NCK2: variants seen among roughly 807,000 people sequenced by gnomAD.
The protein encoded by NCK2 is NCK adaptor protein 2, also known as cytoplasmic protein NCK2.
A neutral mutation model predicts 33.9 loss-of-function variants in NCK2; 16 were observed. That is an observed-to-expected ratio of 0.47 (90% CI 0.32 to 0.72). The LOEUF (loss-of-function observed/expected upper bound fraction) is 0.72, where lower values mean the gene tolerates loss of function less well. Ranked by LOEUF, NCK2 falls within the 30% of genes least tolerant of loss-of-function variation. NCK2 has a pLI of 0.03. For synonymous variants in NCK2, 273 were observed against 239.9 expected (o/e 1.14, Z -1.27); for missense variants, 418 against 537.3 (o/e 0.78, Z 2.19).
chr2:105,801,861 C>A (rs1165595953), intron 1 of NCK2, among the ~76,000 whole-genome samples: 3 of 152,062 alleles, frequency 2.0e-5, no homozygotes, highest in African/African-American at 4.8e-5. Context: ...TAGAGTTAGT[C>A]GTCTTGCTGA....
At chr2:105,838,116 A>G (rs1357784212) in intron 2 of NCK2, among the ~76,000 whole-genome samples, 1 of 146,528 alleles carries the variant, frequency 6.8e-6, no homozygotes, top group Non-Finnish European at 1.5e-5. Context: ...TTTTTTTTGT[A>G]CCAGCAATAG....
In NCK2 at chr2:105,823,309, A is replaced by G. The variant is rs1277166295; in HGVS notation, c.-17+6696A>G. ...AACTGAAGGGAACACGTGGAACTGC[A>G]GAAGTGTCATTCAAGTTGGGCGTGT... is the stretch of plus-strand genomic sequence containing the variant. On this transcript the variant is annotated intron_variant, in intron 2 of 4. Coordinates refer to ENST00000233154, the MANE Select transcript of NCK2 (RefSeq NM_003581.5). Among the ~76,000 whole-genome samples, 4 of 152,004 alleles carry G rather than the reference A, an allele frequency of 2.6e-5. No individual in the cohort carries two copies. In the East Asian group the frequency reaches 5.8e-4, roughly 22 times the overall value.
intron 2 of NCK2, among the ~76,000 whole-genome samples, chr2:105,817,692 T>C (rs1675549106): frequency 6.6e-6 from 1 of 152,160 alleles, no homozygotes; most frequent in Non-Finnish European, 1.5e-5. Context: ...TCATCATCAC[T>C]GGCCATCAGA....
chr2:105,782,226 G>A (rs1373934447), intron 1 of NCK2, among the ~76,000 whole-genome samples: 2 of 152,310 alleles, frequency 1.3e-5, no homozygotes, highest in East Asian at 1.9e-4. Context: ...GTAGGCAGGC[G>A]GGGTGGCCGG....
At chr2:105,852,232 A>G (rs558128501) in intron 2 of NCK2, among the ~76,000 whole-genome samples, 107 of 152,262 alleles carry the variant, frequency 7.0e-4, no homozygotes, top group African/African-American at 2.5e-3. Context: ...TGTTTTCCCA[A>G]GATTAAACGC....
intron 2 of NCK2, among the ~76,000 whole-genome samples, chr2:105,844,667 G>A (rs1432144467): frequency 1.3e-5 from 2 of 150,086 alleles, no homozygotes; most frequent in East Asian, 1.9e-4. Flanking sequence ...CCCAGGAGGA[G>A]GAGGTTGCAG....
intron 2 of NCK2, among the ~76,000 whole-genome samples, chr2:105,825,051 C>T (rs186808937): frequency 2.0e-5 from 3 of 152,178 alleles, no homozygotes; most frequent in Non-Finnish European, 4.4e-5. Flanking sequence ...AGTGGGCACT[C>T]GAGGTGCTTG....
intron 2 of NCK2, among the ~76,000 whole-genome samples, chr2:105,834,694 G>T (rs1676323021): frequency 6.6e-6 from 1 of 151,620 alleles, no homozygotes; most frequent in East Asian, 1.9e-4. Flanking sequence ...TAGAGACAAG[G>T]TCTCGTTCTC....
chr2:105,774,073 A>G (rs1259492116), intron 1 of NCK2, among the ~76,000 whole-genome samples: 1 of 150,690 alleles, frequency 6.6e-6, no homozygotes, highest in Admixed American at 6.6e-5. Flanking sequence ...CAGTGGCACA[A>G]TCTTGGCTCA....
At position 105,894,032 on chromosome 2, in the gene NCK2, ATAT is replaced by A. The variant is rs1679112725; in HGVS notation, c.*861_*863del. 2.0e-5 allele frequency: 3 copies of A among 152,326 alleles called. No individual in the cohort carries two copies. The highest frequency in any genetic ancestry group is 2.9e-5 in the Non-Finnish European group (2 of 67,988). The allele number at this position is 152,326 out of a possible 1,614,324, so 9.4% of individuals were successfully genotyped here. A position where few individuals can be genotyped will look rare whatever the true frequency, so the allele number is the denominator to read the frequency against. ...ACACACACACACACTATATATATAT[ATAT>A]TATTTACAGGGAAATTTTTCAGGGT... On this transcript the variant is annotated 3_prime_UTR_variant, in exon 5 of 5. Transcript: ENST00000233154.
At chr2:105,885,672 A>G (rs1195395396) in intron 4 of NCK2, among the ~76,000 whole-genome samples, 1 of 152,102 alleles carries the variant, frequency 6.6e-6, no homozygotes, top group African/African-American at 2.4e-5. Context: ...CTTGGTGGTG[A>G]TGCTGCTGCT....
chr2:105,793,237 G>A (rs115725304), intron 1 of NCK2, among the ~76,000 whole-genome samples: 2,854 of 152,310 alleles, frequency 0.019, 52 homozygotes, highest in Non-Finnish European at 0.022. Flanking sequence ...AATGGGTGGA[G>A]AACTTCTGGA....
At chr2:105,824,208 C>A (rs1009528758) in intron 2 of NCK2, among the ~76,000 whole-genome samples, 4 of 150,406 alleles carry the variant, frequency 2.7e-5, no homozygotes, top group South Asian at 2.1e-4. Context: ...GACCACATAG[C>A]AGAATGCCCC....
intron 3 of NCK2, among the ~76,000 whole-genome samples, chr2:105,860,945 A>G (rs986817621): frequency 2.6e-5 from 4 of 151,470 alleles, no homozygotes; most frequent in African/African-American, 4.9e-5. Flanking sequence ...CAAGGGCACT[A>G]TTGCTACACT....
At position 105,879,554 on chromosome 2, in the gene NCK2, G is replaced by A. The variant is rs368092882; in HGVS notation, c.227-1774G>A. On this transcript the variant is annotated intron_variant, in intron 3 of 4. Coordinates refer to ENST00000233154, the MANE Select transcript of NCK2 (RefSeq NM_003581.5). ...TTCTAATATTCTGGCTTACTCTTGTGTTTCCCATGCACATGCATAAAATGT... is the reference window on the plus strand; with the variant it reads ...TTCTAATATTCTGGCTTACTCTTGTATTTCCCATGCACATGCATAAAATGT... 1.2e-3 allele frequency among the ~76,000 whole-genome samples: 187 copies of A among 152,374 alleles called. 2 individuals carry two copies. Among genetic ancestry groups the A allele is most frequent in the African/African-American group, 4.2e-3 (174 of 41,600 alleles).
chr2:105,795,871 C>T (rs982507566), intron 1 of NCK2, among the ~76,000 whole-genome samples: 2 of 152,152 alleles, frequency 1.3e-5, no homozygotes, highest in Non-Finnish European at 2.9e-5. Flanking sequence ...ACGCACCCTC[C>T]CCCCAGTCTT....
chr2:105,785,498 G>A (rs918601641), intron 1 of NCK2, among the ~76,000 whole-genome samples: 2 of 152,154 alleles, frequency 1.3e-5, no homozygotes, highest in African/African-American at 2.4e-5. Flanking sequence ...CCAAAAGACC[G>A]CCAATACAAA....
intron 2 of NCK2, among the ~76,000 whole-genome samples, chr2:105,849,442 A>G (rs1302773917): frequency 1.3e-5 from 2 of 152,188 alleles, no homozygotes; most frequent in Non-Finnish European, 2.9e-5. Context: ...TGGCGGGATA[A>G]ATTGGTTAGT....
At chr2:105,765,782 AGG>A (rs200765500) in intron 1 of NCK2, among the ~76,000 whole-genome samples, 2,927 of 133,166 alleles carry the variant, frequency 0.022, 52 homozygotes, top group Non-Finnish European at 0.024. Context: ...AGCTTAGAAT[AGG>A]GGGTGTGTGT....
Sources: gnomAD v4.1 joint callset for allele counts (sites outside exome capture counted in the v4.1 genomes callset) on GRCh38, gnomAD v4.1.1 for gene constraint, MANE v1.5 for transcripts, NCBI Gene and HGNC (gene_info 2026-07-23, HGNC 2026-07-21) for gene names.